Variants in NAV2 observed in about 807,000 individuals in gnomAD.
NAV2 encodes helicase, APC down-regulated 1.
A neutral mutation model predicts 223.2 loss-of-function variants in NAV2; 54 were observed. That is an observed-to-expected ratio of 0.24 (90% confidence interval 0.19 to 0.30). NAV2 has a LOEUF of 0.30. Ranked by LOEUF, NAV2 falls within the 10% of genes least tolerant of loss-of-function variation. The pLI, the probability that NAV2 is intolerant of heterozygous loss-of-function variation, is 1.00. For missense variants in NAV2, 2,806 were observed against 3,147.5 expected, an observed-to-expected ratio of 0.89 and a Z score of 2.60; for synonymous variants, 1,279 against 1,239.3, an observed-to-expected ratio of 1.03 and a Z score of -0.67.
intron 1 of NAV2, among the ~76,000 whole-genome samples, chr11:19,539,250 A>T (rs2044273561): frequency 6.6e-6 from 1 of 152,210 alleles, no homozygotes; most frequent in Non-Finnish European, 1.5e-5. Context: ...GAATAGTTGA[A>T]GGGAATCTAT....
Position 19,607,494 on chromosome 11 carries a change from T to C in NAV2, c.76-224990T>C, listed in dbSNP as rs80297214. 4.1e-3 allele frequency among the ~76,000 whole-genome samples: 628 copies of C among 152,334 alleles called. 2 individuals carry two copies. The highest frequency in any genetic ancestry group is 0.014 in the African/African-American group (597 of 41,570). On this transcript the variant is annotated intron_variant, in intron 1 of 37. Coordinates refer to the NAV2 transcript ENST00000360655. ...TTGCAGCTGGAAGATGGGCCAGTTC[T>C]ACTTAAATGTTGTCTGACTGCTACT...
intron 1 of NAV2, among the ~76,000 whole-genome samples, chr11:19,666,882 G>C (rs891846307): frequency 6.6e-6 from 1 of 152,082 alleles, no homozygotes; most frequent in Non-Finnish European, 1.5e-5. Flanking sequence ...AATTTCTGGG[G>C]GTAAGGCTCT....
chr11:20,028,994 G>A (rs552978707), intron 11 of NAV2, among the ~76,000 whole-genome samples: 175 of 152,262 alleles, frequency 1.1e-3, no homozygotes, highest in African/African-American at 4.0e-3. Context: ...AAAAAGGGCC[G>A]CTAACTCAGG....
intron 26 of NAV2, among the ~76,000 whole-genome samples, chr11:20,087,514 G>T (rs1285182007): frequency 6.6e-6 from 1 of 152,122 alleles, no homozygotes; most frequent in African/African-American, 2.4e-5. Flanking sequence ...CAATCCGTGG[G>T]CAAAAGGAAT....
chr11:19,817,636 G>T (rs1413891961), intron 1 of NAV2, among the ~76,000 whole-genome samples: 2 of 152,284 alleles, frequency 1.3e-5, no homozygotes, highest in South Asian at 2.1e-4. Context: ...GAGGGAGGGG[G>T]TGGCCAAGAG....
In NAV2 at chr11:19,939,698, T is replaced by G; in HGVS notation, c.2071T>G (p.Ser691Ala). Residue 691 changes from serine (S) to alanine (A), a missense_variant, in exon 8 of 38, where the codon TCA (serine) becomes GCA (alanine). Around this residue, in one of 4 missense-constraint regions of NAV2, gnomAD observed 1,167 missense variants for 1,180.5 expected, o/e 0.99. Coordinates refer to ENST00000349880, the MANE Select transcript of NAV2 (RefSeq NM_145117.5). ...TDTEGNVTAE[S>A]SSTGVSVEPS... Reference sequence around the variant, plus strand: ...CACTGAAGGGAATGTTACTGCCGAGTCAAGCTCAACAGGTGTGAGCGTGGA... The same window carrying G: ...CACTGAAGGGAATGTTACTGCCGAGGCAAGCTCAACAGGTGTGAGCGTGGA... The G allele has an allele frequency of 6.2e-7, 1 of 1,614,050 alleles. No homozygotes were observed. The highest frequency in any genetic ancestry group is 1.1e-5 in the South Asian group (1 of 91,074).
intron 1 of NAV2, among the ~76,000 whole-genome samples, chr11:19,572,973 G>T (rs2045467364): frequency 6.6e-6 from 1 of 152,128 alleles, no homozygotes; most frequent in African/African-American, 2.4e-5. Flanking sequence ...CATGCCTTTT[G>T]AAAAACTGGC....
intron 1 of NAV2, among the ~76,000 whole-genome samples, chr11:19,496,133 A>C (rs2042786873): frequency 1.3e-5 from 2 of 152,250 alleles, no homozygotes; most frequent in Admixed American, 1.3e-4. Flanking sequence ...GGTGAGATTC[A>C]GAGTCACAAA....
chr11:19,364,928 AT>A (rs1194280507), intron 1 of NAV2, among the ~76,000 whole-genome samples: 1 of 152,206 alleles, frequency 6.6e-6, no homozygotes, highest in South Asian at 2.1e-4. Flanking sequence ...ATACAACAAT[AT>A]TTCGGTTTTC....
intron 1 of NAV2, among the ~76,000 whole-genome samples, chr11:19,368,188 C>A (rs574498137): frequency 6.6e-6 from 1 of 152,082 alleles, no homozygotes; most frequent in African/African-American, 2.4e-5. Context: ...ATTCATGCAC[C>A]CTCAATGTCC....
intron 1 of NAV2, among the ~76,000 whole-genome samples, chr11:19,782,808 G>A (rs2056842489): frequency 6.6e-6 from 1 of 152,180 alleles, no homozygotes; most frequent in Non-Finnish European, 1.5e-5. Flanking sequence ...ACTAAGAATG[G>A]GTGTTAGAGT....
At chr11:19,456,744 G>A (rs907178712) in intron 1 of NAV2, among the ~76,000 whole-genome samples, 5 of 152,186 alleles carry the variant, frequency 3.3e-5, no homozygotes, top group South Asian at 2.1e-4. Context: ...AACCCAGGTC[G>A]TCTGACCCCA....
intron 11 of NAV2, among the ~76,000 whole-genome samples, chr11:20,015,002 G>T: frequency 6.6e-6 from 1 of 152,084 alleles, no homozygotes; most frequent in East Asian, 1.9e-4. Context: ...AGGCTGAGGC[G>T]GGAGGATTGC....
chr11:19,917,427 G>A lies in NAV2; in HGVS notation c.932-15749G>A, dbSNP rs187720261. 2.6e-5 allele frequency among the ~76,000 whole-genome samples: 4 copies of A among 152,280 alleles called. No individual in the cohort carries two copies. In the East Asian group the frequency reaches 7.7e-4, roughly 29 times the overall value. On this transcript the variant is annotated intron_variant, in intron 6 of 37. Transcript: ENST00000349880. ...TTCTGCCTTCTGTAAGGCAGTTGCT[G>A]TTCTCCTAGGGCCTGAGTTTCTGGG... is the stretch of plus-strand genomic sequence containing the variant.
chr11:19,360,657 G>A (rs548250050), intron 1 of NAV2, among the ~76,000 whole-genome samples: 2 of 152,256 alleles, frequency 1.3e-5, no homozygotes, highest in East Asian at 1.9e-4. Context: ...AGGGTGGATC[G>A]CTCCAGAAGA....
chr11:19,643,459 C>T (rs2047723345), intron 1 of NAV2, among the ~76,000 whole-genome samples: 2 of 152,062 alleles, frequency 1.3e-5, no homozygotes, highest in Non-Finnish European at 1.5e-5. Context: ...ATGATAGTTT[C>T]CAGCTTCATC....
At chr11:19,613,012 T>G (rs2046687208) in intron 1 of NAV2, among the ~76,000 whole-genome samples, 1 of 152,142 alleles carries the variant, frequency 6.6e-6, no homozygotes, top group African/African-American at 2.4e-5. Context: ...CAAAAGGTGC[T>G]TCTTAAATGG....
intron 1 of NAV2, among the ~76,000 whole-genome samples, chr11:19,825,186 G>A (rs1188932869): frequency 6.7e-6 from 1 of 148,186 alleles, no homozygotes; most frequent in African/African-American, 2.5e-5. Flanking sequence ...CAGCTACTTG[G>A]GAGGCTGTGG....
intron 1 of NAV2, among the ~76,000 whole-genome samples, chr11:19,627,659 C>G (rs2047209393): frequency 6.6e-6 from 1 of 152,050 alleles, no homozygotes. Context: ...TTACAGTCTG[C>G]CCAGCTCCAG....
Sources: allele counts gnomAD v4.1 joint callset (sites outside exome capture counted in the v4.1 genomes callset), GRCh38; gene constraint gnomAD v4.1.1; regional missense constraint gnomAD v4.1.1; transcripts MANE v1.5; gene names NCBI Gene and HGNC (gene_info 2026-07-23, HGNC 2026-07-21).